The following POLH variants were observed in gnomAD, a reference collection of about 807,000 sequenced individuals.
POLH encodes DNA polymerase eta.
POLH carries 53 observed loss-of-function variants against 73.6 expected under a neutral mutation model. That is an observed-to-expected ratio of 0.72 (90% CI 0.58 to 0.91). POLH has a LOEUF of 0.91. Ranked by LOEUF, POLH falls within the 40% of genes least tolerant of loss-of-function variation. The pLI is 0.00. For synonymous variants in POLH, 292 were observed against 308.5 expected (o/e 0.95, Z 0.56); for missense variants, 768 against 865.4 (o/e 0.89, Z 1.41).
At chr6:43,581,676 G>A (rs1480789434) in intron 1 of POLH, among the ~76,000 whole-genome samples, 1 of 144,076 alleles carries the variant, frequency 6.9e-6, no homozygotes, top group Admixed American at 6.7e-5. Context: ...CCCGGCGGTC[G>A]GGCGGCGGCG....
rs940667525 is a variant in POLH, at chr6:43,617,184, T to G, written c.*2627T>G. Reference sequence around the variant, plus strand: ...GCCTGGGCGATAGAGTAACTCTGTCTCAAAAAAACCCACTAGATCATCTCT... The same window carrying G: ...GCCTGGGCGATAGAGTAACTCTGTCGCAAAAAAACCCACTAGATCATCTCT... On this transcript the variant is annotated 3_prime_UTR_variant, in exon 11 of 11. Coordinates refer to ENST00000372236, the MANE Select transcript of POLH (RefSeq NM_006502.3). Among the ~76,000 whole-genome samples the G allele has an allele frequency of 6.6e-6, 1 of 151,848 alleles. No individual in the cohort carries two copies. Among genetic ancestry groups the G allele is most frequent in the Non-Finnish European group, 1.5e-5 (1 of 67,962 alleles).
At chr6:43,605,799 A>G (rs775153102) in intron 9 of POLH, among the ~76,000 whole-genome samples, 17 of 151,808 alleles carry the variant, frequency 1.1e-4, no homozygotes, top group Non-Finnish European at 1.6e-4. Flanking sequence ...GCTCACTGCA[A>G]CCTCCGCCTC....
intron 4 of POLH, among the ~76,000 whole-genome samples, chr6:43,589,134 G>A (rs1476415920): frequency 6.6e-6 from 1 of 152,164 alleles, no homozygotes; most frequent in African/African-American, 2.4e-5. Flanking sequence ...CACCGTGCCC[G>A]GCCTTCATTC....
Position 43,613,861 on chromosome 6 carries a change from A to C in POLH, c.1446A>C (p.Ser482=). ...ATKKATTSLE[S]FFQKAAERQK... ...AGAAAGCAACCACGTCTCTGGAATC[A>C]TTCTTCCAAAAAGCTGCAGAAAGGC... is the stretch of plus-strand genomic sequence containing the variant. The change falls in exon 11 of 11, where the codon TCA becomes TCC. Residue 482 remains serine (S), a synonymous_variant. Transcript: ENST00000372236. 1 of 1,614,204 alleles carries C rather than the reference A, an allele frequency of 6.2e-7. No homozygotes were observed. Among genetic ancestry groups the C allele is most frequent in the Non-Finnish European group, 8.5e-7 (1 of 1,180,042 alleles).
intron 5 of POLH, among the ~76,000 whole-genome samples, chr6:43,599,313 C>A (rs1048473547): frequency 6.6e-6 from 1 of 152,058 alleles, no homozygotes; most frequent in Non-Finnish European, 1.5e-5. Flanking sequence ...TTTGTATTAT[C>A]TTGTTATGTG....
rs1208848737 is a variant in POLH at position 43,585,637 on chromosome 6, C to CTTTTTTTTTTTTTTTTTTTTTT, written c.273-1618_273-1617insTTTTTTTTTTTTTTTTTTTTTT. On this transcript the variant is annotated intron_variant, in intron 3 of 10. Transcript: ENST00000372236. ...GTATGAGTATATTGCTCTTTCTTTT[C>CTTTTTTTTTTTTTTTTTTTTTT]TTTTTTTTTTTTTTTTTGTGGGTGG... Among the ~76,000 whole-genome samples the CTTTTTTTTTTTTTTTTTTTTTT allele has an allele frequency of 7.4e-5, 8 of 107,428 alleles. 1 individual carries two copies. Among genetic ancestry groups the CTTTTTTTTTTTTTTTTTTTTTT allele is most frequent in the African/African-American group, 4.3e-4 (8 of 18,454 alleles). 70.5% of individuals were successfully genotyped at this position (107,428 alleles called of 152,430 possible).
At chr6:43,588,931 G>C (rs1187466859) in intron 4 of POLH, among the ~76,000 whole-genome samples, 1 of 149,892 alleles carries the variant, frequency 6.7e-6, no homozygotes, top group South Asian at 2.1e-4. Context: ...TCCGCCTCCC[G>C]GGTTCACGCC....
chr6:43,577,179 A>G (rs548060339), intron 1 of POLH, among the ~76,000 whole-genome samples: 1 of 152,362 alleles, frequency 6.6e-6, no homozygotes, highest in Non-Finnish European at 1.5e-5. Context: ...CTCCGTCTCA[A>G]AAATAAATAA....
chr6:43,612,495 C>T (rs1193110604), intron 10 of POLH, among the ~76,000 whole-genome samples: 9 of 150,960 alleles, frequency 6.0e-5, no homozygotes, highest in African/African-American at 1.7e-4. Flanking sequence ...TACAGGTGCC[C>T]GCCACCACGC....
Position 43,619,765 on chromosome 6 carries a change from G to A in POLH, c.*5208G>A, listed in dbSNP as rs1465063898. On this transcript the variant is annotated 3_prime_UTR_variant, in exon 11 of 11. Transcript: ENST00000372236. The stretch of plus-strand genomic sequence containing the variant: ...CTCTATCAGCAGCTATAGAGAGGAA[G>A]TAAACAGCTTAGCCCCTAATACAGG... 6.6e-6 allele frequency among the ~76,000 whole-genome samples: 1 copy of A among 152,238 alleles called. No individual in the cohort carries two copies.
intron 4 of POLH, among the ~76,000 whole-genome samples, chr6:43,589,163 C>G (rs1235247948): frequency 2.6e-5 from 4 of 152,076 alleles, no homozygotes; most frequent in African/African-American, 9.7e-5. Context: ...AATTTTCCTT[C>G]AGTAATGACC....
Position 43,614,252 on chromosome 6 carries a change from G to C in POLH, c.1837G>C (p.Val613Leu). ...SMHASSASKS[V>L]LEVTQKATPN... ...GCACGCCTCTTCAGCTTCCAAATCT[G>C]TGCTGGAGGTGACTCAGAAAGCAAC... Residue 613 changes from valine to leucine, a missense_variant, in exon 11 of 11, where the codon GTG becomes CTG. By Grantham distance (32) the Val-to-Leu change is conservative. Transcript: ENST00000372236. 6.2e-7 allele frequency: 1 copy of C among 1,603,000 alleles called. No individual in the cohort carries two copies. Among genetic ancestry groups the C allele is most frequent in the African/African-American group, 1.3e-5 (1 of 74,578 alleles).
In POLH at chr6:43,577,386, T is replaced by C. The variant is rs112276575; in HGVS notation, c.-5+946T>C. The stretch of plus-strand genomic sequence containing the variant: ...GTGCTTAGCCTGTGTTTTTTTGTGT[T>C]ACAATACTATTTGTTGGCTCAGTCT... On this transcript the variant is annotated intron_variant, in intron 1 of 10. Transcript: ENST00000372236. 3.7e-4 allele frequency among the ~76,000 whole-genome samples: 57 copies of C among 152,344 alleles called. 1 individual carries two copies. The highest frequency in any genetic ancestry group is 3.4e-3 in the Middle Eastern group (1 of 294).
chr6:43,604,859 G>A (rs1767103088), intron 8 of POLH, 121 bp downstream of exon 8: 1 of 1,031,538 alleles, frequency 9.7e-7, no homozygotes, highest in Non-Finnish European at 1.5e-6. Flanking sequence ...GAAAACAGAT[G>A]TTCTGTCCTT....
chr6:43,582,702 G>C (rs941025887), intron 2 of POLH, among the ~76,000 whole-genome samples: 1 of 152,078 alleles, frequency 6.6e-6, no homozygotes, highest in East Asian at 1.9e-4. Flanking sequence ...TTATTTTTTG[G>C]GGGGTGGGTA....
At chr6:43,592,601 G>C (rs1765587154) in intron 4 of POLH, among the ~76,000 whole-genome samples, 1 of 151,932 alleles carries the variant, frequency 6.6e-6, no homozygotes, top group Admixed American at 6.6e-5. Context: ...TTTTTTAGTA[G>C]AGACGGGGTT....
chr6:43,590,221 TG>T (rs1323708212), intron 4 of POLH, among the ~76,000 whole-genome samples: 1 of 151,988 alleles, frequency 6.6e-6, no homozygotes, highest in Non-Finnish European at 1.5e-5. Flanking sequence ...TAGCTGGGCA[TG>T]GTAGCATGTG....
chr6:43,605,448 T>TC (rs2127806535), intron 9 of POLH, 129 bp downstream of exon 9: 1 of 525,038 alleles, frequency 1.9e-6, no homozygotes, highest in South Asian at 2.3e-5. Flanking sequence ...TCTTTCTTTT[T>TC]TTTTTTTTTT....
intron 1 of POLH, among the ~76,000 whole-genome samples, chr6:43,580,364 C>T (rs1308261540): frequency 4.8e-5 from 7 of 146,506 alleles, no homozygotes; most frequent in African/African-American, 1.3e-4. Context: ...CCACCTTTCC[C>T]GCCTTTCTAT....
Sources: allele counts gnomAD v4.1 joint callset (sites outside exome capture counted in the v4.1 genomes callset), GRCh38; gene constraint gnomAD v4.1.1; transcripts MANE v1.5; gene names NCBI Gene and HGNC (gene_info 2026-07-23, HGNC 2026-07-21).